TMEM132B: variants seen among roughly 807,000 people sequenced by gnomAD.
The protein encoded by TMEM132B is transmembrane protein 132B.
In TMEM132B, 18 loss-of-function variants were observed where a neutral mutation model predicts 90.8. That is an observed-to-expected ratio of 0.20 (90% confidence interval 0.14 to 0.29). The LOEUF (loss-of-function observed/expected upper bound fraction) is 0.29. Among genes scored for constraint, TMEM132B ranks in the 10% least tolerant of loss-of-function variants. The pLI is 1.00. For synonymous variants in TMEM132B, 504 were observed against 523.3 expected (o/e 0.96, Z 0.50); for missense variants, 1,096 against 1,326.8 (o/e 0.83, Z 2.70).
chr12:125,357,951 G>T (rs1341621080), intron 2 of TMEM132B, among the ~76,000 whole-genome samples: 1 of 152,224 alleles, frequency 6.6e-6, no homozygotes, highest in Non-Finnish European at 1.5e-5. Context: ...TCCCTGGGTT[G>T]GAGGCAGAAA....
rs73414385 is a variant in TMEM132B, at chr12:125,531,243, C to A, written c.1293+11618C>A. Among the ~76,000 whole-genome samples the A allele has an allele frequency of 9.4e-3, 1,429 of 152,154 alleles. 19 individuals are homozygous for A. The highest frequency in any genetic ancestry group is 0.033 in the African/African-American group (1,365 of 41,516). On this transcript the variant is annotated intron_variant, in intron 4 of 8. Transcript: ENST00000682704. ...CTCTGCCACTCAGGCTGGAGTGCAG[C>A]AGTATGTTCATAGCTCACTGCAGCC...
At chr12:125,293,520 G>A (rs114427991) in intron 1 of TMEM132B, among the ~76,000 whole-genome samples, 2,474 of 152,216 alleles carry the variant, frequency 0.016, 70 homozygotes, top group African/African-American at 0.056. Context: ...CCAGTGTTTA[G>A]CTCCCACTTA....
At chr12:125,503,437 T>C (rs1882748617) in intron 3 of TMEM132B, among the ~76,000 whole-genome samples, 1 of 152,194 alleles carries the variant, frequency 6.6e-6, no homozygotes, top group African/African-American at 2.4e-5. Flanking sequence ...GTCTTTTTTC[T>C]CAGAGGGCCT....
chr12:125,497,737 T>G (rs1882596738), intron 3 of TMEM132B, among the ~76,000 whole-genome samples: 2 of 152,238 alleles, frequency 1.3e-5, no homozygotes, highest in Admixed American at 6.5e-5. Context: ...TCTGAGATGT[T>G]ATTGATCAAG....
At chr12:125,226,308 C>T (rs59716579) in intron 1 of TMEM132B, among the ~76,000 whole-genome samples, 4,279 of 152,290 alleles carry the variant, frequency 0.028, 181 homozygotes, top group East Asian at 0.091. Context: ...GCTACTTACC[C>T]TCTTTGTTAA....
chr12:125,262,016 G>A (rs1874579415), intron 1 of TMEM132B, among the ~76,000 whole-genome samples: 1 of 152,084 alleles, frequency 6.6e-6, no homozygotes, highest in African/African-American at 2.4e-5. Flanking sequence ...TTTAATATGA[G>A]TCAGAAAGAA....
rs185701705 is a variant in TMEM132B at position 125,542,899 on chromosome 12, C to T, written c.1293+23274C>T. On this transcript the variant is annotated intron_variant, in intron 4 of 8. Coordinates refer to ENST00000682704, the MANE Select transcript of TMEM132B (RefSeq NM_001366854.1). ...GTATCTTATTATACAGGGTGCTAGACGAGCGTCAGCAATGTGGCAGCTGTT... is the reference window on the plus strand; with the variant it reads ...GTATCTTATTATACAGGGTGCTAGATGAGCGTCAGCAATGTGGCAGCTGTT... Among the ~76,000 whole-genome samples the T allele has an allele frequency of 9.2e-5, 14 of 152,294 alleles. No individual in the cohort carries two copies. The East Asian group carries it at 2.1e-3, about 23-fold the overall frequency.
At chr12:125,296,342 C>G (rs1349402080) in intron 1 of TMEM132B, among the ~76,000 whole-genome samples, 1 of 152,210 alleles carries the variant, frequency 6.6e-6, no homozygotes, top group Non-Finnish European at 1.5e-5. Flanking sequence ...AGTGCGCTTC[C>G]CAGGTATCTG....
chr12:125,392,176 A>G (rs1450394497), intron 2 of TMEM132B, among the ~76,000 whole-genome samples: 1 of 152,234 alleles, frequency 6.6e-6, no homozygotes, highest in African/African-American at 2.4e-5. Context: ...TAGACTGAGA[A>G]ATATACCTAC....
rs552480126 is a variant in TMEM132B at position 125,377,423 on chromosome 12, CAA to C, written c.959+27082_959+27083del. Among the ~76,000 whole-genome samples the C allele has an allele frequency of 1.8e-3, 274 of 152,246 alleles. 1 individual carries two copies. Among genetic ancestry groups the C allele is most frequent in the African/African-American group, 6.0e-3 (250 of 41,550 alleles). On this transcript the variant is annotated intron_variant, in intron 2 of 8. Coordinates refer to ENST00000682704, the MANE Select transcript of TMEM132B (RefSeq NM_001366854.1). The stretch of plus-strand genomic sequence containing the variant: ...AGGTTGGGTAGCAAGACCTTGAGAA[CAA>C]AGAGTGAGGTTGGGTGGTTAGGTTC...
rs942290643 is a variant in TMEM132B, at chr12:125,213,243, G to T, written c.67+26377G>T. 1.3e-5 allele frequency among the ~76,000 whole-genome samples: 2 copies of T among 152,198 alleles called. No homozygotes were observed. Among genetic ancestry groups the T allele is most frequent in the Non-Finnish European group, 2.9e-5 (2 of 68,040 alleles). On this transcript the variant is annotated intron_variant, in intron 1 of 8. Coordinates refer to ENST00000682704, the MANE Select transcript of TMEM132B (RefSeq NM_001366854.1). The surrounding 1 kb of genome is among the most constrained non-coding windows in gnomAD (Gnocchi z 4.2). ...AAGGTTCATCCACGTTGTAGCCTGT[G>T]TCAGTGCTATGCTCCTTTTTATGGT... is the stretch of plus-strand genomic sequence containing the variant.
At chr12:125,517,221 T>C (rs2005729) in intron 3 of TMEM132B, among the ~76,000 whole-genome samples, 96,559 of 150,586 alleles carry the variant, frequency 0.64, 32,541 homozygotes, top group East Asian at 0.86. Context: ...AGTGCAGCGG[T>C]GTGATCTCAG....
chr12:125,371,109 C>T (rs1347409607), intron 2 of TMEM132B, among the ~76,000 whole-genome samples: 2 of 150,568 alleles, frequency 1.3e-5, no homozygotes, highest in Admixed American at 6.8e-5. Context: ...GTCTGATGTT[C>T]GAGGGTAGGA....
intron 5 of TMEM132B, among the ~76,000 whole-genome samples, chr12:125,616,726 T>C (rs968676909): frequency 2.0e-5 from 3 of 152,204 alleles, no homozygotes; most frequent in African/African-American, 7.2e-5. Flanking sequence ...CTTAATTTTG[T>C]GTTCCCCCAC....
rs1360775185 is a variant in TMEM132B, at chr12:125,299,266, G to A, written c.68-50186G>A. On this transcript the variant is annotated intron_variant, in intron 1 of 8. Coordinates refer to ENST00000682704, the MANE Select transcript of TMEM132B (RefSeq NM_001366854.1). The stretch of plus-strand genomic sequence containing the variant: ...TCACCCCACTGTCTCTCCAACACTC[G>A]GGTCTGTTCCTTTCTCCCTCCCTCC... Among the ~76,000 whole-genome samples the A allele has an allele frequency of 6.6e-5, 10 of 152,218 alleles. No individual in the cohort carries two copies. The South Asian group carries it at 1.2e-3, about 19-fold the overall frequency.
intron 3 of TMEM132B, among the ~76,000 whole-genome samples, chr12:125,510,830 A>C (rs1882958681): frequency 6.6e-6 from 1 of 152,176 alleles, no homozygotes; most frequent in African/African-American, 2.4e-5. Context: ...TCTAATTTTT[A>C]TAAAAAGTAT....
intron 3 of TMEM132B, among the ~76,000 whole-genome samples, chr12:125,501,702 C>T (rs1364533945): frequency 1.3e-5 from 2 of 152,148 alleles, no homozygotes; most frequent in Non-Finnish European, 2.9e-5. Flanking sequence ...TGGGGTCTGA[C>T]ATTTTTGGAG....
intron 4 of TMEM132B, among the ~76,000 whole-genome samples, chr12:125,522,886 G>T (rs563792531): frequency 6.6e-6 from 1 of 152,116 alleles, no homozygotes; most frequent in African/African-American, 2.4e-5. Flanking sequence ...TTAAAATAGG[G>T]CTCAGATCTA....
At position 125,376,440 on chromosome 12, in the gene TMEM132B, A is replaced by G. The variant is rs76342135; in HGVS notation, c.959+26097A>G. On this transcript the variant is annotated intron_variant, in intron 2 of 8. Coordinates refer to ENST00000682704, the MANE Select transcript of TMEM132B (RefSeq NM_001366854.1). ...GGCACGGGATGCCTGAGGACTGGGAACGTTGGTTGACAGCAGGTGCCGCCT... is the reference window on the plus strand; with the variant it reads ...GGCACGGGATGCCTGAGGACTGGGAGCGTTGGTTGACAGCAGGTGCCGCCT... Among the ~76,000 whole-genome samples the G allele has an allele frequency of 8.0e-3, 1,221 of 152,250 alleles. 22 individuals are homozygous for G. The highest frequency in any genetic ancestry group is 0.028 in the African/African-American group (1,164 of 41,528).
Sources: gnomAD v4.1 joint callset for allele counts (sites outside exome capture counted in the v4.1 genomes callset) on GRCh38, gnomAD v4.1.1 for gene constraint, Gnocchi (gnomAD v3.1) non-coding constraint, MANE v1.5 for transcripts, NCBI Gene and HGNC (gene_info 2026-07-23, HGNC 2026-07-21) for gene names.